The following TRIM5 variants were observed in gnomAD, a reference collection of about 807,000 sequenced individuals.
TRIM5 encodes the protein tripartite motif containing 5.
TRIM5 carries 31 observed loss-of-function variants against 35.6 expected under a neutral mutation model. That is an observed-to-expected ratio of 0.87 (90% confidence interval 0.65 to 1.18). The LOEUF (loss-of-function observed/expected upper bound fraction) is 1.18, where lower values mean the gene tolerates loss of function less well. Among genes scored for constraint, TRIM5 ranks in the 50% most tolerant of loss-of-function variants. The probability of loss-of-function intolerance (pLI) is 0.00; values close to 1 mark genes in which losing one functional copy is unlikely to be tolerated. For synonymous variants in TRIM5, 243 were observed against 215.6 expected, an observed-to-expected ratio of 1.13 and a Z score of -1.11; for missense variants, 609 against 591.6, an observed-to-expected ratio of 1.03 and a Z score of -0.31.
chr11:5,642,927 C>G, the TRIM5 span: 8 of 1,569,926 alleles, frequency 5.1e-6, no homozygotes, highest in Non-Finnish European at 6.9e-6. Flanking sequence ...CTGATCTTAG[C>G]CTCATGCATT....
chr11:5,616,499 A>AGTT, the TRIM5 span, among the ~76,000 whole-genome samples: 2 of 144,916 alleles, frequency 1.4e-5, no homozygotes, highest in Non-Finnish European at 3.0e-5. Context: ...TGGGACTCTC[A>AGTT]GTTTTTTAAA....
chr11:5,639,394 T>C, the TRIM5 span, among the ~76,000 whole-genome samples: 1 of 151,952 alleles, frequency 6.6e-6, no homozygotes, highest in Non-Finnish European at 1.5e-5. Flanking sequence ...AAAATTAAGA[T>C]TGGAGGCCAG....
At position 5,664,970 on chromosome 11, in the gene TRIM5, A is replaced by T; in HGVS notation, c.1321T>A (p.Phe441Ile). ...ACAGTGCAAGCCTCATAGTCTAGGA[A>T]AACTCCAACACGATCAGGACAAATA... is the stretch of plus-strand genomic sequence containing the variant. ...VIICPDRVGV[F>I]LDYEACTVSF... is the part of the protein sequence containing the mutation. The change falls in exon 8 of 8, where the codon TTC becomes ATC. Residue 441 changes from phenylalanine to isoleucine, a missense_variant. Phe to Ile is a conservative substitution (Grantham distance 21). Transcript: ENST00000380034. 6.2e-7 allele frequency: 1 copy of T among 1,614,148 alleles called. No individual in the cohort carries two copies. Among genetic ancestry groups the T allele is most frequent in the Non-Finnish European group, 8.5e-7 (1 of 1,180,024 alleles).
the TRIM5 span, among the ~76,000 whole-genome samples, chr11:5,639,609 G>A: frequency 6.7e-6 from 1 of 148,234 alleles, no homozygotes; most frequent in Non-Finnish European, 1.5e-5. Flanking sequence ...GAACCGGGGA[G>A]GTGGAGGTTG....
chr11:5,656,138 G>A, the TRIM5 span, among the ~76,000 whole-genome samples: 381 of 152,232 alleles, frequency 2.5e-3, no homozygotes, highest in African/African-American at 7.9e-3. Context: ...GGCAACAAAA[G>A]CCAAAACTGA....
downstream of TRIM5, among the ~76,000 whole-genome samples, chr11:5,661,782 G>C (rs1242333602): frequency 6.6e-6 from 1 of 152,256 alleles, no homozygotes; most frequent in South Asian, 2.1e-4. Context: ...CAATTCATAA[G>C]CTTCATATTC....
downstream of TRIM5, among the ~76,000 whole-genome samples, chr11:5,662,956 C>G (rs1302113668): frequency 6.6e-6 from 1 of 152,126 alleles, no homozygotes; most frequent in African/African-American, 2.4e-5. Context: ...TAGTGAAACC[C>G]TGTCTCTACC....
At chr11:5,643,294 G>T in the TRIM5 span, 1 of 1,614,022 alleles carries the variant, frequency 6.2e-7, no homozygotes, top group Non-Finnish European at 8.5e-7. Flanking sequence ...AAACATTACT[G>T]GGAAGTGGAC....
the TRIM5 span, among the ~76,000 whole-genome samples, chr11:5,655,281 T>C: frequency 2.0e-5 from 3 of 151,382 alleles, no homozygotes; most frequent in African/African-American, 2.4e-5. Flanking sequence ...TATTCAATGA[T>C]AGTAGTATGT....
intron 1 of TRIM5, among the ~76,000 whole-genome samples, chr11:5,680,756 A>G (rs949032196): frequency 3.3e-5 from 5 of 152,194 alleles, no homozygotes; most frequent in African/African-American, 1.2e-4. Flanking sequence ...AACAAATCTC[A>G]CCATGCACTG....
the TRIM5 span, among the ~76,000 whole-genome samples, chr11:5,608,567 C>T: frequency 1.3e-5 from 2 of 152,010 alleles, no homozygotes; most frequent in African/African-American, 4.8e-5. Flanking sequence ...GAACTGGCCT[C>T]TCTGGTAGGA....
the TRIM5 span, among the ~76,000 whole-genome samples, chr11:5,594,727 C>T: frequency 6.6e-6 from 1 of 152,108 alleles, no homozygotes; most frequent in African/African-American, 2.4e-5. Flanking sequence ...TGAGAAGGGA[C>T]TCTGGGTTGG....
chr11:5,670,353 T>A (rs1851496035), intron 4 of TRIM5, among the ~76,000 whole-genome samples: 1 of 150,742 alleles, frequency 6.6e-6, no homozygotes, highest in African/African-American at 2.4e-5. Context: ...AATTTTTTTT[T>A]CTTTTGTATT....
chr11:5,679,682 G>GT, intron 2 of TRIM5, 79 bp downstream of exon 2: 1 of 1,438,058 alleles, frequency 7.0e-7, no homozygotes, highest in Non-Finnish European at 9.4e-7. Context: ...TGACAAGGCA[G>GT]TTAATGTCAA....
chr11:5,631,723 T>C, the TRIM5 span, among the ~76,000 whole-genome samples: 4 of 152,134 alleles, frequency 2.6e-5, no homozygotes, highest in Non-Finnish European at 2.9e-5. Context: ...AATGAAACAA[T>C]GATAAAGTTT....
the TRIM5 span, chr11:5,642,628 A>ATTCCT: frequency 2.2e-6 from 3 of 1,392,734 alleles, no homozygotes; most frequent in African/African-American, 1.5e-5. Flanking sequence ...AGAATAAGGA[A>ATTCCT]TATTCTGTGG....
chr11:5,643,705 C>G, the TRIM5 span: 1 of 1,573,712 alleles, frequency 6.4e-7, no homozygotes, highest in Non-Finnish European at 8.6e-7. Flanking sequence ...CCACCAAGCT[C>G]TTGAATTTTC....
Position 5,664,212 on chromosome 11 carries a change from A to AAAAAAAAAAG in TRIM5, c.*596_*597insCTTTTTTTTT. 1 of 977,656 alleles carries AAAAAAAAAAG rather than the reference A, an allele frequency of 1.0e-6. No homozygotes were observed. The highest frequency in any genetic ancestry group is 1.2e-6 in the Non-Finnish European group (1 of 823,172). 60.6% of individuals were successfully genotyped at this position (977,656 alleles called of 1,614,324 possible). ...GCAAAACTTCATCTCAAAAAAAAAA[A>AAAAAAAAAAG]AAAAGAAAAAAGAAAAGAAAAGGAA... On this transcript the variant is annotated 3_prime_UTR_variant, in exon 8 of 8. Coordinates refer to ENST00000380034, the MANE Select transcript of TRIM5 (RefSeq NM_033034.3).
At chr11:5,645,174 G>T in the TRIM5 span, among the ~76,000 whole-genome samples, 11 of 152,194 alleles carry the variant, frequency 7.2e-5, no homozygotes, top group Admixed American at 2.0e-4. Flanking sequence ...AGAGGATCAC[G>T]TGAGGTCAGG....
Sources: allele counts gnomAD v4.1 joint callset (sites outside exome capture counted in the v4.1 genomes callset), GRCh38; gene constraint gnomAD v4.1.1; transcripts MANE v1.5; gene names NCBI Gene and HGNC (gene_info 2026-07-23, HGNC 2026-07-21).